IGF2R: variants seen among roughly 807,000 people sequenced by gnomAD.
IGF2R encodes the protein insulin like growth factor 2 receptor, also known as cation-independent mannose-6-phosphate receptor.
A neutral mutation model predicts 270.6 loss-of-function variants in IGF2R; 91 were observed. That is an observed-to-expected ratio of 0.34 (90% confidence interval 0.28 to 0.40). The LOEUF (loss-of-function observed/expected upper bound fraction) is 0.40. IGF2R is among the 10% of genes least tolerant of loss of function. The pLI is 1.00. For synonymous variants in IGF2R, 1,316 were observed against 1,258.9 expected (o/e 1.05, Z -0.96); for missense variants, 2,805 against 3,188.3 (o/e 0.88, Z 2.90).
intron 3 of IGF2R, 78 bp downstream of exon 3, chr6:160,009,212 T>G: frequency 2.3e-6 from 3 of 1,288,540 alleles, no homozygotes; most frequent in Non-Finnish European, 3.2e-6. Context: ...TGTAGAGGTA[T>G]TCCAGGAAGA....
rs537484858 is a variant in IGF2R at position 160,105,701 on chromosome 6, C to G, written c.*617C>G. On this transcript the variant is annotated 3_prime_UTR_variant, in exon 48 of 48. Coordinates refer to ENST00000356956, the MANE Select transcript of IGF2R (RefSeq NM_000876.4). Reference sequence around the variant, plus strand: ...TTTCTGTTTCTTAAGGGCACACACACGTGCGTGCGAGCACACACACACATA... The same window carrying G: ...TTTCTGTTTCTTAAGGGCACACACAGGTGCGTGCGAGCACACACACACATA... The G allele has an allele frequency of 2.6e-5, 4 of 152,912 alleles. No homozygotes were observed. Among genetic ancestry groups the G allele is most frequent in the African/African-American group, 9.7e-5 (4 of 41,432 alleles). 9.5% of individuals were successfully genotyped at this position (152,912 alleles called of 1,614,324 possible).
intron 29 of IGF2R, 50 bp from the exon 30 acceptor site, chr6:160,068,199 T>G: frequency 6.2e-7 from 1 of 1,606,008 alleles, no homozygotes. Flanking sequence ...GCCCAATGTT[T>G]AAAGAGAATA....
At position 160,078,248 on chromosome 6, in the gene IGF2R, A is replaced by G. The variant is rs1484774071; in HGVS notation, c.5364A>G (p.Glu1788=). The G allele has an allele frequency of 2.5e-6, 4 of 1,614,198 alleles. No homozygotes were observed. The highest frequency in any genetic ancestry group is 3.3e-5 in the Admixed American group (2 of 60,026). The change falls in exon 37 of 48, where the codon GAA becomes GAG. Residue 1788 remains glutamate, a synonymous_variant. Transcript: ENST00000356956. ...LRTSECDFVF[E]WETPVVCPDE... ...CCAGCGAGTGCGACTTTGTGTTCGA[A>G]TGGGAGACTCCTGTCGTCTGTCCTG...
intron 1 of IGF2R, among the ~76,000 whole-genome samples, chr6:159,988,489 G>C (rs1783924294): frequency 6.8e-6 from 1 of 147,432 alleles, no homozygotes; most frequent in Admixed American, 6.7e-5. Context: ...CTCCAGCCTG[G>C]GCGACAGAGT....
At chr6:160,036,394 G>C (rs1777825325) in intron 10 of IGF2R, among the ~76,000 whole-genome samples, 1 of 152,088 alleles carries the variant, frequency 6.6e-6, no homozygotes, top group African/African-American at 2.4e-5. Flanking sequence ...TCTTCCCCAT[G>C]TGCCCAGCCC....
rs1339676744 is a variant in IGF2R at position 160,109,300 on chromosome 6, G to A, written c.*4216G>A. The A allele has an allele frequency of 6.6e-6, 1 of 152,174 alleles. No homozygotes were observed. The highest frequency in any genetic ancestry group is 1.9e-4 in the East Asian group (1 of 5,186). 9.4% of individuals were successfully genotyped at this position (152,174 alleles called of 1,614,324 possible). On this transcript the variant is annotated 3_prime_UTR_variant, in exon 48 of 48. Transcript: ENST00000356956. Reference sequence around the variant, plus strand: ...GGTGACAACCAAGAAGTGATGGTGGGTTGCTAGAGACAGGGTGGAGCACAG... The same window carrying A: ...GGTGACAACCAAGAAGTGATGGTGGATTGCTAGAGACAGGGTGGAGCACAG...
intron 37 of IGF2R, 68 bp from the exon 38 acceptor site, chr6:160,079,512 G>T: frequency 8.9e-7 from 1 of 1,129,100 alleles, no homozygotes; most frequent in South Asian, 2.7e-5. Context: ...CTGCAATAGT[G>T]GTTCTCTCTT....
intron 2 of IGF2R, chr6:160,005,170 C>T (rs1013424483): frequency 6.6e-6 from 1 of 152,282 alleles, no homozygotes; most frequent in Non-Finnish European, 1.5e-5. Context: ...TGAAAAACAA[C>T]GAACAGCTTT....
At chr6:160,061,111 C>T (rs1778429413) in intron 23 of IGF2R, among the ~76,000 whole-genome samples, 1 of 152,156 alleles carries the variant, frequency 6.6e-6, no homozygotes, top group Non-Finnish European at 1.5e-5. Context: ...GAGACCTTGA[C>T]CTCTGGGATT....
chr6:160,025,149 G>A (rs1279479975), intron 5 of IGF2R, among the ~76,000 whole-genome samples: 1 of 152,170 alleles, frequency 6.6e-6, no homozygotes, highest in East Asian at 1.9e-4. Flanking sequence ...TGCCAAAACT[G>A]GTGTGAGAAG....
chr6:160,028,192 C>T (rs1248518325), intron 6 of IGF2R, among the ~76,000 whole-genome samples: 1 of 152,208 alleles, frequency 6.6e-6, no homozygotes, highest in African/African-American at 2.4e-5. Flanking sequence ...TGTTCTGAGG[C>T]CTCTCTCCTT....
intron 1 of IGF2R, among the ~76,000 whole-genome samples, chr6:159,971,314 T>C (rs1030785193): frequency 6.6e-6 from 1 of 152,212 alleles, no homozygotes; most frequent in African/African-American, 2.4e-5. Flanking sequence ...ACACGGCCTC[T>C]TGGTCTAGTA....
At chr6:160,100,255 A>T (rs1027543962) in intron 45 of IGF2R, among the ~76,000 whole-genome samples, 1 of 152,200 alleles carries the variant, frequency 6.6e-6, no homozygotes, top group Admixed American at 6.5e-5. Flanking sequence ...GAACATGCCT[A>T]AAACAAGGAT....
intron 32 of IGF2R, among the ~76,000 whole-genome samples, 162 bp from the exon 33 acceptor site, chr6:160,072,603 A>G (rs1431314792): frequency 2.0e-5 from 3 of 152,212 alleles, no homozygotes; most frequent in African/African-American, 7.2e-5. Context: ...TGACAGTCTC[A>G]TGATACAGCC....
At chr6:160,016,210 C>A (rs756287435) in intron 4 of IGF2R, among the ~76,000 whole-genome samples, 1 of 152,212 alleles carries the variant, frequency 6.6e-6, no homozygotes, top group Non-Finnish European at 1.5e-5. Context: ...GCCTGCTATG[C>A]TGTGGAGCTC....
At chr6:160,088,913 G>T (rs546113905) in intron 42 of IGF2R, among the ~76,000 whole-genome samples, 194 bp from the exon 43 acceptor site, 2 of 152,376 alleles carry the variant, frequency 1.3e-5, no homozygotes, top group Non-Finnish European at 2.9e-5. Flanking sequence ...GCTGCCGTCA[G>T]TGTTGAGTCG....
intron 29 of IGF2R, among the ~76,000 whole-genome samples, chr6:160,065,633 A>G (rs1195977192): frequency 6.6e-6 from 1 of 151,756 alleles, no homozygotes; most frequent in African/African-American, 2.4e-5. Context: ...TTTCTACTGG[A>G]TGGGAAATGT....
rs1405446066 is a variant in IGF2R at position 160,061,849 on chromosome 6, G to A, written c.3503G>A (p.Ser1168Asn). The A allele has an allele frequency of 1.2e-6, 2 of 1,614,138 alleles. No homozygotes were observed. Among genetic ancestry groups the A allele is most frequent in the Non-Finnish European group, 1.7e-6 (2 of 1,180,030 alleles). Residue 1168 changes from serine (S) to asparagine (N), a missense_variant, in exon 25 of 48, where the codon AGC becomes AAC. By Grantham distance (46) the Ser-to-Asn change is conservative. Around this residue, in one of 2 missense-constraint regions of IGF2R, gnomAD observed 1,851 missense variants for 2,207.2 expected, o/e 0.84. Coordinates refer to ENST00000356956, the MANE Select transcript of IGF2R (RefSeq NM_000876.4). ...CAAGCCGCGGCGAATGGATCTTTGA[G>A]CATCATGTATGTCAACGGTGACAAG... ...SPQAAANGSL[S>N]IMYVNGDKCG...
At chr6:160,074,223 T>C (rs1778809996) in intron 35 of IGF2R, among the ~76,000 whole-genome samples, 1 of 152,244 alleles carries the variant, frequency 6.6e-6, no homozygotes, top group Admixed American at 6.5e-5. Flanking sequence ...GTAGGGACTC[T>C]ACTTGTCATG....
Sources: gnomAD v4.1 joint callset for allele counts (sites outside exome capture counted in the v4.1 genomes callset) on GRCh38, gnomAD v4.1.1 for gene constraint, gnomAD v4.1.1 regional missense constraint, MANE v1.5 for transcripts, NCBI Gene and HGNC (gene_info 2026-07-23, HGNC 2026-07-21) for gene names.